Variants in NAALADL2 observed in about 807,000 individuals in gnomAD.
NAALADL2 encodes inactive N-acetylated-alpha-linked acidic dipeptidase-like protein 2.
A neutral mutation model predicts 87.2 loss-of-function variants in NAALADL2; 76 were observed. The ratio of observed to expected loss-of-function variants is 0.87; its 90% CI spans 0.72 to 1.05. The LOEUF (loss-of-function observed/expected upper bound fraction) is 1.05. Ranked by LOEUF, NAALADL2 falls within the 50% of genes least tolerant of loss-of-function variation. The pLI is 0.00. For missense variants in NAALADL2, 1,089 were observed against 945.8 expected (o/e 1.15, Z -1.99); for synonymous variants, 354 against 331.0 (o/e 1.07, Z -0.75).
chr3:174,688,181 C>A (rs377631451), intron 2 of NAALADL2, among the ~76,000 whole-genome samples: 12 of 152,188 alleles, frequency 7.9e-5, no homozygotes, highest in African/African-American at 2.6e-4. Context: ...CTGGCTTCAC[C>A]ATATGTAAAA....
chr3:175,620,574 G>T (rs765814335), intron 10 of NAALADL2, among the ~76,000 whole-genome samples: 5 of 152,116 alleles, frequency 3.3e-5, no homozygotes, highest in Non-Finnish European at 7.4e-5. Context: ...CAGATCGGCA[G>T]GCAGAAAGGA....
intron 1 of NAALADL2, among the ~76,000 whole-genome samples, chr3:174,547,159 A>G (rs1711507927): frequency 6.6e-6 from 1 of 152,176 alleles, no homozygotes; most frequent in Admixed American, 6.5e-5. Context: ...TCTCTAGATC[A>G]TGTTGGCCCA....
At chr3:175,681,259 A>G (rs997534629) in intron 11 of NAALADL2, among the ~76,000 whole-genome samples, 1 of 152,218 alleles carries the variant, frequency 6.6e-6, no homozygotes, top group Non-Finnish European at 1.5e-5. Flanking sequence ...CAAGATTTTA[A>G]AAATAAATAC....
At chr3:175,474,121 T>C (rs1038468600) in intron 9 of NAALADL2, among the ~76,000 whole-genome samples, 3 of 152,156 alleles carry the variant, frequency 2.0e-5, no homozygotes, top group Admixed American at 6.6e-5. Flanking sequence ...TGGTATCTCA[T>C]TGTGGTTTTT....
At chr3:175,146,681 A>G (rs923421547) in intron 2 of NAALADL2, among the ~76,000 whole-genome samples, 1 of 152,146 alleles carries the variant, frequency 6.6e-6, no homozygotes, top group African/African-American at 2.4e-5. Flanking sequence ...GAAAGTTACT[A>G]TTTTACTTCG....
chr3:174,923,237 T>G (rs1735494060), intron 1 of NAALADL2, among the ~76,000 whole-genome samples: 2 of 152,264 alleles, frequency 1.3e-5, no homozygotes, highest in Admixed American at 6.5e-5. Context: ...AATTATAAAG[T>G]GTAGTTAGTA....
At chr3:175,687,830 C>A (rs1736511088) in intron 11 of NAALADL2, among the ~76,000 whole-genome samples, 1 of 151,862 alleles carries the variant, frequency 6.6e-6, no homozygotes, top group Non-Finnish European at 1.5e-5. Flanking sequence ...TAGCACCTCC[C>A]CCACCTTTCT....
intron 3 of NAALADL2, among the ~76,000 whole-genome samples, chr3:174,795,227 C>T (rs1717950651): frequency 6.6e-6 from 1 of 151,452 alleles, no homozygotes; most frequent in African/African-American, 2.4e-5. Context: ...AAACTCCTGA[C>T]CTCAGGTGAT....
chr3:175,558,188 C>T (rs1439614281), intron 9 of NAALADL2, among the ~76,000 whole-genome samples: 7 of 111,662 alleles, frequency 6.3e-5, no homozygotes, highest in Admixed American at 1.9e-4. Context: ...CAGCAAGACC[C>T]CGTCTCAAAA....
chr3:174,512,750 C>T (rs1227778427), intron 1 of NAALADL2, among the ~76,000 whole-genome samples: 1 of 152,020 alleles, frequency 6.6e-6, no homozygotes, highest in Non-Finnish European at 1.5e-5. Context: ...TTGGAGACTG[C>T]ATGGGGATTG....
At position 175,233,983 on chromosome 3, in the gene NAALADL2, AT is replaced by A; in HGVS notation, c.600del (p.Lys201ArgfsTer9). ...AGATGACATGGAAATTTCAAAGAAGATTAAGACTCAGTGGACCTCTTTGGGC... is the reference window on the plus strand; with the variant it reads ...AGATGACATGGAAATTTCAAAGAAGATAAGACTCAGTGGACCTCTTTGGGC... The part of the protein sequence containing the change: ...NEDDMEISKK[I>X]KTQWTSLGLE... On this transcript the variant is annotated frameshift_variant, in exon 3 of 14. Transcript: ENST00000454872. LOFTEE classifies it high-confidence loss of function. The A allele has an allele frequency of 6.2e-7, 1 of 1,607,924 alleles. No individual in the cohort carries two copies.
chr3:175,480,677 A>G (rs1357049193), intron 9 of NAALADL2, among the ~76,000 whole-genome samples: 3 of 151,862 alleles, frequency 2.0e-5, no homozygotes, highest in Admixed American at 1.3e-4. Flanking sequence ...CTTTATACAG[A>G]CTTCTAAAAT....
chr3:174,682,063 C>G (rs1401739425), intron 2 of NAALADL2, among the ~76,000 whole-genome samples: 1 of 152,046 alleles, frequency 6.6e-6, no homozygotes, highest in Non-Finnish European at 1.5e-5. Flanking sequence ...ACAACTCACC[C>G]CCAACCAAAG....
intron 10 of NAALADL2, among the ~76,000 whole-genome samples, chr3:175,623,706 A>T (rs1200519833): frequency 6.6e-6 from 1 of 152,024 alleles, no homozygotes; most frequent in Non-Finnish European, 1.5e-5. Flanking sequence ...CAGCCACCAG[A>T]ATCTGGAAGA....
At chr3:174,727,893 A>C (rs1465331234) in intron 2 of NAALADL2, among the ~76,000 whole-genome samples, 3 of 152,048 alleles carry the variant, frequency 2.0e-5, no homozygotes, top group Non-Finnish European at 4.4e-5. Flanking sequence ...CTGTCCCCTA[A>C]ACCCTAGGTG....
rs1230111487 is a variant in NAALADL2 at position 175,697,837 on chromosome 3, T to TTATG, written c.1897-39465_1897-39462dup. Among the ~76,000 whole-genome samples, 14 of 85,244 alleles carry TTATG rather than the reference T, an allele frequency of 1.6e-4. 1 individual carries two copies. Among genetic ancestry groups the TTATG allele is most frequent in the African/African-American group, 5.9e-4 (10 of 16,808 alleles). The allele number at this position is 85,244 out of a possible 152,430, so 55.9% of individuals were successfully genotyped here. A position where few individuals can be genotyped will look rare whatever the true frequency, so the allele number is the denominator to read the frequency against. ...TGTATGTATACATATATATGTGTAT[T>TTATG]TATGTATACATATATATGTGTATAT... On this transcript the variant is annotated intron_variant, in intron 11 of 13. Transcript: ENST00000454872.
chr3:175,402,559 A>G (rs1396385762), intron 5 of NAALADL2, among the ~76,000 whole-genome samples: 2 of 152,090 alleles, frequency 1.3e-5, no homozygotes, highest in African/African-American at 4.8e-5. Context: ...AATATAATCT[A>G]TAATTATATA....
intron 1 of NAALADL2, among the ~76,000 whole-genome samples, chr3:174,932,421 T>A (rs1737034975): frequency 6.6e-6 from 1 of 152,236 alleles, no homozygotes; most frequent in South Asian, 2.1e-4. Flanking sequence ...TGTTTATTCA[T>A]CTGTCTTAAT....
intron 2 of NAALADL2, among the ~76,000 whole-genome samples, chr3:175,216,888 C>G (rs897799099): frequency 1.3e-5 from 2 of 151,918 alleles, no homozygotes; most frequent in Non-Finnish European, 2.9e-5. Context: ...AGGCTGGTCT[C>G]GAACTCCTGA....
Sources: gnomAD v4.1 joint callset for allele counts (sites outside exome capture counted in the v4.1 genomes callset) on GRCh38, gnomAD v4.1.1 for gene constraint, MANE v1.5 for transcripts, NCBI Gene and HGNC (gene_info 2026-07-23, HGNC 2026-07-21) for gene names.